Variants in CCDC15 observed in about 807,000 individuals in gnomAD.
The protein encoded by CCDC15 is coiled-coil domain-containing protein 15.
CCDC15 carries 105 observed loss-of-function variants against 114.5 expected under a neutral mutation model. The ratio of observed to expected loss-of-function variants is 0.92; its 90% confidence interval spans 0.78 to 1.08. The LOEUF (loss-of-function observed/expected upper bound fraction) is 1.08, where lower values mean the gene tolerates loss of function less well. Among genes scored for constraint, CCDC15 ranks in the 50% least tolerant of loss-of-function variants. CCDC15 has a pLI of 0.00. For missense variants in CCDC15, 1,105 were observed against 1,093.6 expected (o/e 1.01, Z -0.15); for synonymous variants, 334 against 377.8 (o/e 0.88, Z 1.34).
intron 6 of CCDC15, among the ~76,000 whole-genome samples, chr11:124,984,837 C>T (rs2135477966): frequency 6.6e-6 from 1 of 152,296 alleles, no homozygotes; most frequent in Middle Eastern, 3.4e-3. Flanking sequence ...TGTCTTCCCT[C>T]TGTCCACTCT....
chr11:124,988,230 C>G, intron 8 of CCDC15, 96 bp downstream of exon 8: 1 of 1,293,814 alleles, frequency 7.7e-7, no homozygotes, highest in East Asian at 2.4e-5. Context: ...CTTGGAGATA[C>G]TGTGGGTTCA....
intron 13 of CCDC15, among the ~76,000 whole-genome samples, chr11:125,011,987 G>A (rs1047135417): frequency 1.6e-4 from 24 of 152,124 alleles, no homozygotes; most frequent in African/African-American, 5.6e-4. Context: ...ACATGCTATG[G>A]TTCAACTCAG....
intron 13 of CCDC15, among the ~76,000 whole-genome samples, chr11:125,029,818 C>T (rs1948726262): frequency 6.6e-6 from 1 of 152,152 alleles, no homozygotes; most frequent in Non-Finnish European, 1.5e-5. Flanking sequence ...TCCCATTGAC[C>T]TTAATCACAG....
chr11:124,967,049 T>TTTC (rs1305614401), intron 4 of CCDC15, among the ~76,000 whole-genome samples: 1 of 151,704 alleles, frequency 6.6e-6, no homozygotes. Context: ...TAACCCGACC[T>TTTC]TCTCTGGCTG....
Position 124,959,896 on chromosome 11 carries a change from TTGAA to T in CCDC15, c.412_415del (p.Asn138LeufsTer12). The T allele has an allele frequency of 6.3e-7, 1 of 1,593,274 alleles. No homozygotes were observed. Among genetic ancestry groups the T allele is most frequent in the Non-Finnish European group, 8.6e-7 (1 of 1,168,426 alleles). On this transcript the variant is annotated frameshift_variant, in exon 4 of 16. Transcript: ENST00000344762. LOFTEE classifies it high-confidence loss of function. The stretch of plus-strand genomic sequence containing the variant: ...AAGGACAAGTGTTTTTCCAAACAAT[TTGAA>T]TGTTGCTATTGGAAGTTCTAGGTTA...
chr11:124,993,491 C>T (rs529116451), intron 11 of CCDC15, among the ~76,000 whole-genome samples: 3 of 152,270 alleles, frequency 2.0e-5, no homozygotes, highest in African/African-American at 7.2e-5. Context: ...GAAGCTTTTA[C>T]CATTGCCACA....
chr11:124,998,006 T>C (rs1350127240), intron 11 of CCDC15, among the ~76,000 whole-genome samples: 1 of 152,072 alleles, frequency 6.6e-6, no homozygotes, highest in Admixed American at 6.6e-5. Context: ...ACATGGAAAC[T>C]GGGGGAAAGG....
At chr11:125,005,238 G>A (rs537319151) in intron 13 of CCDC15, 26 bp downstream of exon 13, 5 of 984,456 alleles carry the variant, frequency 5.1e-6, no homozygotes, top group East Asian at 5.2e-5. Flanking sequence ...TGCTCTGTGA[G>A]CCTTAAATTG....
At chr11:125,024,006 A>G (rs1380923141) in intron 13 of CCDC15, among the ~76,000 whole-genome samples, 1 of 151,980 alleles carries the variant, frequency 6.6e-6, no homozygotes, top group Non-Finnish European at 1.5e-5. Flanking sequence ...AGGTTTCTTT[A>G]TGGCATAATA....
chr11:125,005,082 T>C (rs1057510516), intron 12 of CCDC15, 27 bp from the exon 13 acceptor site: 4 of 1,028,958 alleles, frequency 3.9e-6, no homozygotes, highest in Non-Finnish European at 4.2e-6. Flanking sequence ...AAGCAGAATC[T>C]TAGTAATTTT....
chr11:124,990,010 A>C (rs558621030), intron 8 of CCDC15, among the ~76,000 whole-genome samples: 2 of 152,360 alleles, frequency 1.3e-5, no homozygotes, highest in African/African-American at 4.8e-5. Context: ...GCTGTTTGGT[A>C]CAAGAGGCCT....
intron 13 of CCDC15, among the ~76,000 whole-genome samples, chr11:125,033,046 A>G (rs558736275): frequency 3.9e-5 from 6 of 152,322 alleles, no homozygotes; most frequent in African/African-American, 1.4e-4. Flanking sequence ...AATTGTTGGT[A>G]GTATAGTGGG....
chr11:125,039,502 A>T (rs1317842933), intron 15 of CCDC15: 1 of 154,642 alleles, frequency 6.5e-6, no homozygotes, highest in African/African-American at 2.4e-5. Context: ...AAGAAACAGT[A>T]TAAACTCTAT....
chr11:124,993,122 G>A (rs747014043), intron 10 of CCDC15, 47 bp from the exon 11 acceptor site: 21 of 1,213,558 alleles, frequency 1.7e-5, no homozygotes, highest in Middle Eastern at 3.7e-4. Context: ...TCACTAGCCC[G>A]TCATTTCTGC....
chr11:125,031,836 A>G (rs1948741302), intron 13 of CCDC15, among the ~76,000 whole-genome samples: 1 of 152,164 alleles, frequency 6.6e-6, no homozygotes, highest in African/African-American at 2.4e-5. Flanking sequence ...CCCACTCAAA[A>G]CTGGCAGCCT....
chr11:125,010,380 GT>G (rs545300682), intron 13 of CCDC15, among the ~76,000 whole-genome samples: 271 of 134,624 alleles, frequency 2.0e-3, no homozygotes, highest in Middle Eastern at 3.7e-3. Context: ...TTTGCCTGGT[GT>G]TTTTTTTTTT....
At position 124,959,827 on chromosome 11, in the gene CCDC15, G is replaced by C; in HGVS notation, c.340G>C (p.Gly114Arg). 1 of 1,590,484 alleles carries C rather than the reference G, an allele frequency of 6.3e-7. No homozygotes were observed. The highest frequency in any genetic ancestry group is 8.6e-7 in the Non-Finnish European group (1 of 1,168,282). The change falls in exon 4 of 16, where the codon GGC becomes CGC. Residue 114 changes from glycine to arginine, a missense_variant. Gly to Arg is a moderately radical substitution (Grantham distance 125). Coordinates refer to ENST00000344762, the MANE Select transcript of CCDC15 (RefSeq NM_025004.3). Reference protein sequence around the residue: ...QKSYERAQKEGSIAMQSSATH... With the variant: ...QKSYERAQKERSIAMQSSATH... ...TTCTTTCGTGTAGGCACAAAAAGAA[G>C]GCTCCATAGCCATGCAGTCTTCAGC...
In CCDC15 at chr11:125,012,475, G is replaced by T. The variant is rs1948599753; in HGVS notation, c.2411+7263G>T. 2.0e-5 allele frequency among the ~76,000 whole-genome samples: 3 copies of T among 152,174 alleles called. No individual in the cohort carries two copies. The South Asian group carries it at 6.2e-4, about 31-fold the overall frequency. ...AAGAACTCATAATCTAAGTTGGGGA[G>T]GGAGGATGAGAAACAAACATATTCA... On this transcript the variant is annotated intron_variant, in intron 13 of 15. Coordinates refer to ENST00000344762, the MANE Select transcript of CCDC15 (RefSeq NM_025004.3).
rs34584478 is a variant in CCDC15 at position 124,987,444 on chromosome 11, G to A, written c.1218G>A (p.Val406=). 8 of 1,613,958 alleles carry A rather than the reference G, an allele frequency of 5.0e-6. No homozygotes were observed. The Middle Eastern group carries it at 4.9e-4, about 100-fold the overall frequency. ...TTGAGCTAGAAGAAGGGAGTATTGTGTTGAAAACCCAGGATTTTCTACCCA... is the reference window on the plus strand; with the variant it reads ...TTGAGCTAGAAGAAGGGAGTATTGTATTGAAAACCCAGGATTTTCTACCCA... ...QSIELEEGSI[V]LKTQDFLPTN... The change falls in exon 8 of 16, where the codon GTG becomes GTA. Residue 406 remains valine (V), a synonymous_variant. Coordinates refer to ENST00000344762, the MANE Select transcript of CCDC15 (RefSeq NM_025004.3).
Sources: allele counts gnomAD v4.1 joint callset (sites outside exome capture counted in the v4.1 genomes callset), GRCh38; gene constraint gnomAD v4.1.1; transcripts MANE v1.5; gene names NCBI Gene and HGNC (gene_info 2026-07-23, HGNC 2026-07-21).